LOXL2: variants seen among roughly 807,000 people sequenced by gnomAD.
LOXL2 encodes lysyl oxidase like 2, also known as lysyl oxidase homolog 2.
Under a neutral mutation model 93.0 loss-of-function variants are expected in LOXL2, and 70 were observed. That is an observed-to-expected ratio of 0.75 (90% CI 0.62 to 0.92). The LOEUF is 0.92. LOXL2 is among the 40% of genes least tolerant of loss of function. LOXL2 has a pLI of 0.00. For synonymous variants in LOXL2, 438 were observed against 413.2 expected (o/e 1.06, Z -0.73); for missense variants, 973 against 1,054.9 (o/e 0.92, Z 1.08).
Position 23,309,790 on chromosome 8 carries a change from C to A in LOXL2, c.1758G>T (p.Gln586His), listed in dbSNP as rs1220129807. The A allele has an allele frequency of 1.2e-6, 2 of 1,603,618 alleles. No homozygotes were observed. Among genetic ancestry groups the A allele is most frequent in the South Asian group, 2.2e-5 (2 of 88,984 alleles). ...GGCGGTAGCCCGTGGTGGGGTCGGTCTGCGCGGCTGAGGCCGAGAGGCAGT... is the reference window on the plus strand; with the variant it reads ...GGCGGTAGCCCGTGGTGGGGTCGGTATGCGCGGCTGAGGCCGAGAGGCAGT... ...EENCLSASAA[Q>H]TDPTTGYRRL... Residue 586 changes from glutamine to histidine, a missense_variant, in exon 10 of 14, where the codon CAG (glutamine) becomes CAT (histidine). Gln to His is a conservative substitution (Grantham distance 24, BLOSUM62 0). Transcript: ENST00000389131.
intron 12 of LOXL2, 33 bp downstream of exon 12, chr8:23,301,994 T>G: frequency 6.2e-7 from 1 of 1,612,130 alleles, no homozygotes; most frequent in Non-Finnish European, 8.5e-7. Flanking sequence ...CTCCTCCCCC[T>G]GCAGGGCTGG....
chr8:23,389,075 C>T (rs1804806240), intron 1 of LOXL2, among the ~76,000 whole-genome samples: 1 of 152,106 alleles, frequency 6.6e-6, no homozygotes. Flanking sequence ...TTTTCTTATC[C>T]CAGTAGTAGT....
chr8:23,356,774 T>A (rs1205748725), intron 3 of LOXL2, among the ~76,000 whole-genome samples: 1 of 152,208 alleles, frequency 6.6e-6, no homozygotes, highest in Non-Finnish European at 1.5e-5. Context: ...GCTGTGGATG[T>A]CACCTGGCCC....
rs139226855 is a variant in LOXL2, at chr8:23,310,473, T to C, written c.1637-562A>G. The stretch of plus-strand genomic sequence containing the variant: ...AAATACATCTTCACATATTTTCACA[T>C]TGACATATATCCATTACAGCACATT... On this transcript the variant is annotated intron_variant, in intron 9 of 13. Coordinates refer to ENST00000389131, the MANE Select transcript of LOXL2 (RefSeq NM_002318.3). Among the ~76,000 whole-genome samples the C allele has an allele frequency of 2.4e-3, 367 of 152,356 alleles. 3 individuals carry two copies. Among genetic ancestry groups the C allele is most frequent in the African/African-American group, 8.2e-3 (341 of 41,590 alleles).
At chr8:23,337,464 T>C (rs1474701848) in intron 4 of LOXL2, 1 of 152,168 alleles carries the variant, frequency 6.6e-6, no homozygotes, top group Non-Finnish European at 1.5e-5. Context: ...AAAGGTAAGA[T>C]CCACTCTAAC....
At chr8:23,403,367 GGCGCTCCC>G (rs1389497426) in intron 1 of LOXL2, among the ~76,000 whole-genome samples, 1 of 152,118 alleles carries the variant, frequency 6.6e-6, no homozygotes. Context: ...CAGGACTCAC[GGCGCTCCC>G]GCGCTCCCAA....
intron 10 of LOXL2, among the ~76,000 whole-genome samples, chr8:23,304,156 G>A (rs549666352): frequency 1.2e-3 from 183 of 152,220 alleles, no homozygotes; most frequent in Non-Finnish European, 2.3e-3. Context: ...GCACGTCCCC[G>A]GGGGTTCCAG....
At chr8:23,336,012 C>T (rs1034631717) in intron 4 of LOXL2, among the ~76,000 whole-genome samples, 1 of 152,150 alleles carries the variant, frequency 6.6e-6, no homozygotes, top group Non-Finnish European at 1.5e-5. Flanking sequence ...ATTAATAATT[C>T]CAGGAACCAC....
chr8:23,388,083 T>G (rs932520619), intron 1 of LOXL2, among the ~76,000 whole-genome samples: 2 of 152,124 alleles, frequency 1.3e-5, no homozygotes, highest in African/African-American at 2.4e-5. Flanking sequence ...AGCTAATATA[T>G]CTTGGTTCAA....
At chr8:23,305,733 C>T (rs894862312) in intron 10 of LOXL2, among the ~76,000 whole-genome samples, 1 of 152,158 alleles carries the variant, frequency 6.6e-6, no homozygotes, top group Non-Finnish European at 1.5e-5. Context: ...GAGAGCCTGA[C>T]ACTTGGCGGA....
chr8:23,379,978 T>C (rs1185312459), intron 1 of LOXL2, among the ~76,000 whole-genome samples: 1 of 152,164 alleles, frequency 6.6e-6, no homozygotes, highest in Non-Finnish European at 1.5e-5. Context: ...CCCAGTGAGA[T>C]GAACCAAGTA....
intron 1 of LOXL2, chr8:23,386,112 C>T (rs1804756459): frequency 1.3e-6 from 1 of 752,196 alleles, no homozygotes. Context: ...AAAAAGTGAT[C>T]AAGCTGGAAT....
chr8:23,319,688 C>T (rs564125979), intron 8 of LOXL2, among the ~76,000 whole-genome samples, 197 bp downstream of exon 8: 142 of 152,232 alleles, frequency 9.3e-4, no homozygotes, highest in Middle Eastern at 3.4e-3. Flanking sequence ...GAGATGGGAG[C>T]GACCTGCCCG....
intron 2 of LOXL2, among the ~76,000 whole-genome samples, chr8:23,366,520 CTT>C (rs1804403709): frequency 6.6e-6 from 1 of 152,272 alleles, no homozygotes; most frequent in African/African-American, 2.4e-5. Context: ...AAACCTGTCA[CTT>C]TGCAGACTTC....
chr8:23,317,220 C>A, intron 8 of LOXL2, 106 bp from the exon 9 acceptor site: 1 of 1,301,040 alleles, frequency 7.7e-7, no homozygotes, highest in South Asian at 1.2e-5. Context: ...TTCATGATCC[C>A]ATTTTTCAGA....
rs1803493514 is a variant in LOXL2 at position 23,321,318 on chromosome 8, A to AT, written c.1302+811_1302+812insA. ...GCCCGGGATGGCCTCTAGGACAGAGAGAAGGGTTTGACTGTTCTGGAAGGA... is the reference window on the plus strand; with the variant it reads ...GCCCGGGATGGCCTCTAGGACAGAGATGAAGGGTTTGACTGTTCTGGAAGGA... On this transcript the variant is annotated intron_variant, in intron 7 of 13. Coordinates refer to ENST00000389131, the MANE Select transcript of LOXL2 (RefSeq NM_002318.3). Among the ~76,000 whole-genome samples, 3 of 75,118 alleles carry AT rather than the reference A, an allele frequency of 4.0e-5. No homozygotes were observed. The East Asian group carries it at 1.0e-3, about 25-fold the overall frequency. The allele number at this position is 75,118 out of a possible 152,430, so 49.3% of individuals were successfully genotyped here.
intron 2 of LOXL2, among the ~76,000 whole-genome samples, chr8:23,367,040 G>C (rs1016553058): frequency 6.6e-6 from 1 of 151,948 alleles, no homozygotes; most frequent in Non-Finnish European, 1.5e-5. Context: ...CAATTTTTTG[G>C]GTTTTTGTTT....
At chr8:23,385,359 G>A (rs1363729126) in intron 1 of LOXL2, among the ~76,000 whole-genome samples, 2 of 148,504 alleles carry the variant, frequency 1.3e-5, no homozygotes, top group East Asian at 4.0e-4. Flanking sequence ...CAATTCTCCT[G>A]CCTCAGCCTC....
At chr8:23,339,736 G>A (rs564732374) in intron 4 of LOXL2, among the ~76,000 whole-genome samples, 2 of 152,346 alleles carry the variant, frequency 1.3e-5, no homozygotes. Flanking sequence ...GTATTCAGAG[G>A]ACGGCGACTC....
Sources: gnomAD v4.1 joint callset for allele counts (sites outside exome capture counted in the v4.1 genomes callset) on GRCh38, gnomAD v4.1.1 for gene constraint, MANE v1.5 for transcripts, NCBI Gene and HGNC (gene_info 2026-07-23, HGNC 2026-07-21) for gene names.